Variants in EYS observed in about 807,000 individuals in gnomAD.
The protein encoded by EYS is EGF-like photoreceptor maintenance factor.
EYS carries 250 observed loss-of-function variants against 282.1 expected under a neutral mutation model. That is an observed-to-expected ratio of 0.89 (90% CI 0.80 to 0.98). EYS has a LOEUF of 0.98. Among genes scored for constraint, EYS ranks in the 50% least tolerant of loss-of-function variants. EYS has a pLI of 0.00. For missense variants in EYS, 4,016 were observed against 3,709.0 expected (o/e 1.08, Z -2.15); for synonymous variants, 1,355 against 1,282.9 (o/e 1.06, Z -1.20).
intron 35 of EYS, among the ~76,000 whole-genome samples, chr6:63,920,071 G>A (rs914183390): frequency 6.6e-6 from 1 of 151,888 alleles, no homozygotes; most frequent in Non-Finnish European, 1.5e-5. Flanking sequence ...TCTAGTTTGT[G>A]TGTATCTGTG....
chr6:63,842,614 A>G (rs939522704), intron 36 of EYS, among the ~76,000 whole-genome samples: 2 of 152,156 alleles, frequency 1.3e-5, no homozygotes, highest in African/African-American at 4.8e-5. Context: ...TCGTTTAATT[A>G]GATCCCATTT....
intron 22 of EYS, among the ~76,000 whole-genome samples, chr6:64,665,805 T>A (rs1160836648): frequency 2.0e-5 from 3 of 152,126 alleles, no homozygotes; most frequent in Admixed American, 1.3e-4. Context: ...GGCCTCCATA[T>A]TTGTGAACAT....
At chr6:65,546,397 A>G (rs1195272558) in intron 2 of EYS, among the ~76,000 whole-genome samples, 1 of 151,838 alleles carries the variant, frequency 6.6e-6, no homozygotes, top group Non-Finnish European at 1.5e-5. Flanking sequence ...AAAATGGCAA[A>G]ACTGTGACTC....
intron 29 of EYS, among the ~76,000 whole-genome samples, chr6:64,347,905 G>A (rs1771471648): frequency 6.6e-6 from 1 of 151,118 alleles, no homozygotes; most frequent in Non-Finnish European, 1.5e-5. Flanking sequence ...TTATTTCTGG[G>A]TAGAATTTTA....
At chr6:64,164,264 G>A (rs1030161593) in intron 31 of EYS, among the ~76,000 whole-genome samples, 1 of 152,006 alleles carries the variant, frequency 6.6e-6, no homozygotes, top group Non-Finnish European at 1.5e-5. Flanking sequence ...GCTTTAAAAC[G>A]GAGACTATAT....
chr6:63,909,419 A>G (rs973491779), intron 35 of EYS, among the ~76,000 whole-genome samples: 3 of 152,208 alleles, frequency 2.0e-5, no homozygotes, highest in Admixed American at 6.5e-5. Flanking sequence ...CTACCGACAT[A>G]TATTTCTGAC....
chr6:65,165,323 C>A (rs1384312437), intron 12 of EYS, among the ~76,000 whole-genome samples: 1 of 149,438 alleles, frequency 6.7e-6, no homozygotes, highest in Non-Finnish European at 1.5e-5. Context: ...CATCTTCAAG[C>A]TTTCATCTCA....
At chr6:65,594,966 G>A (rs2149786755) in intron 2 of EYS, among the ~76,000 whole-genome samples, 1 of 152,072 alleles carries the variant, frequency 6.6e-6, no homozygotes, top group Admixed American at 6.6e-5. Context: ...CAAAGATCAG[G>A]TGGTTGTAGA....
At chr6:64,693,735 G>A (rs770840410) in intron 22 of EYS, among the ~76,000 whole-genome samples, 14 of 151,854 alleles carry the variant, frequency 9.2e-5, no homozygotes, top group Admixed American at 2.0e-4. Flanking sequence ...CACAAATAGC[G>A]TAGCCATTAA....
intron 13 of EYS, among the ~76,000 whole-genome samples, chr6:65,046,980 A>T (rs1211786972): frequency 2.0e-5 from 3 of 151,888 alleles, no homozygotes; most frequent in African/African-American, 7.2e-5. Context: ...TCCTCTTGCC[A>T]TGCAATGTGA....
intron 1 of EYS, among the ~76,000 whole-genome samples, chr6:65,651,454 A>C (rs1222380923): frequency 6.6e-6 from 1 of 151,986 alleles, no homozygotes; most frequent in Non-Finnish European, 1.5e-5. Flanking sequence ...TCTGATATTG[A>C]CTGCCATTGT....
intron 19 of EYS, among the ~76,000 whole-genome samples, chr6:64,841,696 C>G (rs1309506636): frequency 6.6e-6 from 1 of 152,052 alleles, no homozygotes; most frequent in Non-Finnish European, 1.5e-5. Context: ...GTAAAATGTT[C>G]AAAGGTTTTG....
intron 29 of EYS, among the ~76,000 whole-genome samples, chr6:64,373,170 T>C (rs1334619629): frequency 6.7e-6 from 1 of 149,754 alleles, no homozygotes; most frequent in East Asian, 1.9e-4. Flanking sequence ...ATTGTGCTGT[T>C]TTTTCCTTAT....
chr6:65,117,889 T>C (rs1268084676), intron 12 of EYS, among the ~76,000 whole-genome samples: 3 of 152,166 alleles, frequency 2.0e-5, no homozygotes, highest in African/African-American at 7.2e-5. Flanking sequence ...AAAAATATTT[T>C]GAGGAGGCTG....
At chr6:63,821,059 C>G (rs950853880) in intron 36 of EYS, among the ~76,000 whole-genome samples, 1 of 151,854 alleles carries the variant, frequency 6.6e-6, no homozygotes, top group African/African-American at 2.4e-5. Context: ...TGAATTATAT[C>G]TTCTCATCTG....
At chr6:64,941,516 T>C (rs1262536996) in intron 15 of EYS, among the ~76,000 whole-genome samples, 3 of 152,124 alleles carry the variant, frequency 2.0e-5, no homozygotes, top group African/African-American at 7.2e-5. Flanking sequence ...ATGGATATAC[T>C]GCATGATGCT....
At chr6:64,899,132 A>G (rs960441529) in intron 18 of EYS, among the ~76,000 whole-genome samples, 1 of 152,082 alleles carries the variant, frequency 6.6e-6, no homozygotes, top group Non-Finnish European at 1.5e-5. Flanking sequence ...AGAACTCTCG[A>G]CCCCAAATCA....
chr6:63,969,715 T>C (rs192537768), intron 35 of EYS, among the ~76,000 whole-genome samples: 6 of 152,312 alleles, frequency 3.9e-5, no homozygotes, highest in East Asian at 3.9e-4. Flanking sequence ...CAGTGCAACA[T>C]TGAGAATCCC....
At chr6:65,009,561 T>C (rs1217676215) in intron 13 of EYS, among the ~76,000 whole-genome samples, 1 of 152,114 alleles carries the variant, frequency 6.6e-6, no homozygotes, top group African/African-American at 2.4e-5. Flanking sequence ...ACGTCTCAAC[T>C]CACCTGGACT....
Sources: allele counts gnomAD v4.1 joint callset (sites outside exome capture counted in the v4.1 genomes callset), GRCh38; gene constraint gnomAD v4.1.1; transcripts MANE v1.5; gene names NCBI Gene and HGNC (gene_info 2026-07-23, HGNC 2026-07-21).